The following NUBPL variants were observed in gnomAD, a reference collection of about 807,000 sequenced individuals.
NUBPL encodes the protein iron-sulfur cluster transfer protein NUBPL.
In NUBPL, 31 loss-of-function variants were observed where a neutral mutation model predicts 45.7. The ratio of observed to expected loss-of-function variants is 0.68; its 90% CI spans 0.51 to 0.92. NUBPL has a LOEUF of 0.92. NUBPL is among the 40% of genes least tolerant of loss of function. The pLI is 0.00. For missense variants in NUBPL, 401 were observed against 398.7 expected (o/e 1.01, Z -0.05); for synonymous variants, 144 against 140.9 (o/e 1.02, Z -0.15).
intron 4 of NUBPL, among the ~76,000 whole-genome samples, chr14:31,641,315 C>T (rs531790645): frequency 1.3e-5 from 2 of 152,258 alleles, no homozygotes; most frequent in African/African-American, 4.8e-5. Flanking sequence ...CTTCATCACT[C>T]CCTTACCCCC....
At chr14:31,593,379 T>TG (rs376192829) in intron 3 of NUBPL, among the ~76,000 whole-genome samples, 1 of 151,650 alleles carries the variant, frequency 6.6e-6, no homozygotes, top group African/African-American at 2.4e-5. Context: ...CCGGGTGTGC[T>TG]GGGGGGCGTC....
At chr14:31,822,718 C>CAA (rs569369611) in intron 7 of NUBPL, among the ~76,000 whole-genome samples, 1 of 151,602 alleles carries the variant, frequency 6.6e-6, no homozygotes, top group African/African-American at 2.4e-5. Context: ...AATTTTACAC[C>CAA]AAAAAAAACT....
chr14:31,640,534 G>A (rs2139696879), intron 4 of NUBPL, among the ~76,000 whole-genome samples: 1 of 150,190 alleles, frequency 6.7e-6, no homozygotes, highest in Middle Eastern at 3.4e-3. Flanking sequence ...AGAATAACTT[G>A]AACCTGGGAG....
intron 3 of NUBPL, among the ~76,000 whole-genome samples, chr14:31,577,253 CCTAG>C (rs1371783311): frequency 8.5e-5 from 13 of 152,292 alleles, no homozygotes; most frequent in African/African-American, 3.1e-4. Context: ...CTGTCGTGAA[CCTAG>C]CTAAGAATTT....
chr14:31,603,334 G>GAAAAA (rs1310734010), intron 4 of NUBPL, among the ~76,000 whole-genome samples: 4 of 143,202 alleles, frequency 2.8e-5, no homozygotes, highest in Non-Finnish European at 6.2e-5. Context: ...GAAAAGAAAA[G>GAAAAA]AAAAAAAGGA....
intron 8 of NUBPL, 146 bp from the exon 9 acceptor site, chr14:31,846,325 C>G: frequency 1.4e-6 from 1 of 696,668 alleles, no homozygotes; most frequent in Non-Finnish European, 2.6e-6. Flanking sequence ...TGAGTTCCTT[C>G]AGAGCAGAGG....
At chr14:31,733,604 C>T (rs891952422) in intron 6 of NUBPL, among the ~76,000 whole-genome samples, 1 of 151,928 alleles carries the variant, frequency 6.6e-6, no homozygotes, top group African/African-American at 2.4e-5. Flanking sequence ...GTTTCTAATA[C>T]AAAGAAACAT....
intron 7 of NUBPL, among the ~76,000 whole-genome samples, chr14:31,820,547 T>C (rs1407913879): frequency 6.6e-6 from 1 of 152,118 alleles, no homozygotes; most frequent in East Asian, 1.9e-4. Flanking sequence ...TCTGGGGCCG[T>C]GTGCGGTGGT....
chr14:31,809,574 G>T (rs2039759752), intron 7 of NUBPL, among the ~76,000 whole-genome samples: 1 of 152,042 alleles, frequency 6.6e-6, no homozygotes, highest in South Asian at 2.1e-4. Context: ...CCAGCTCCTG[G>T]ATTCATTGAT....
At chr14:31,737,639 C>T (rs1351728743) in intron 6 of NUBPL, among the ~76,000 whole-genome samples, 1 of 152,100 alleles carries the variant, frequency 6.6e-6, no homozygotes, top group East Asian at 1.9e-4. Flanking sequence ...AAAAAATTAG[C>T]CGGGCATGGT....
At chr14:31,651,010 G>A (rs376520464) in intron 4 of NUBPL, among the ~76,000 whole-genome samples, 2 of 152,298 alleles carry the variant, frequency 1.3e-5, no homozygotes, top group East Asian at 3.9e-4. Flanking sequence ...ATTCATGAGG[G>A]ATCTGTCGCA....
intron 6 of NUBPL, among the ~76,000 whole-genome samples, chr14:31,706,227 A>G (rs899743746): frequency 3.7e-4 from 56 of 152,120 alleles, no homozygotes; most frequent in African/African-American, 1.2e-3. Context: ...TTCCTGCTGG[A>G]TAGGGGCAAA....
chr14:31,703,637 T>C (rs2037384587), intron 6 of NUBPL, among the ~76,000 whole-genome samples: 1 of 152,200 alleles, frequency 6.6e-6, no homozygotes, highest in South Asian at 2.1e-4. Flanking sequence ...TTGTGAGACT[T>C]ATTCACTGTC....
chr14:31,700,945 C>T (rs968717667), intron 6 of NUBPL, among the ~76,000 whole-genome samples: 17 of 152,210 alleles, frequency 1.1e-4, no homozygotes, highest in Admixed American at 2.0e-4. Flanking sequence ...GTGCGCGGCG[C>T]GGGACTGGCG....
intron 7 of NUBPL, among the ~76,000 whole-genome samples, chr14:31,804,333 C>T (rs552507894): frequency 3.3e-5 from 5 of 151,024 alleles, no homozygotes; most frequent in African/African-American, 1.2e-4. Flanking sequence ...TACAGTATAT[C>T]AGTTAACAGT....
chr14:31,806,745 A>G (rs544250825), intron 7 of NUBPL, among the ~76,000 whole-genome samples: 2 of 152,074 alleles, frequency 1.3e-5, no homozygotes, highest in African/African-American at 4.8e-5. Flanking sequence ...TACATTAGGT[A>G]TTTCTACTAC....
chr14:31,675,248 T>C (rs1236854526), intron 6 of NUBPL, among the ~76,000 whole-genome samples: 4 of 152,322 alleles, frequency 2.6e-5, no homozygotes, highest in Non-Finnish European at 5.9e-5. Flanking sequence ...GATTCATATT[T>C]TATTGGGATG....
chr14:31,571,482 C>G (rs1297169127), intron 3 of NUBPL, among the ~76,000 whole-genome samples: 1 of 149,956 alleles, frequency 6.7e-6, no homozygotes, highest in South Asian at 2.1e-4. Flanking sequence ...TTTTTTCTCA[C>G]TCTGTTGCCC....
chr14:31,792,029 C>T (rs1057064063), intron 7 of NUBPL, among the ~76,000 whole-genome samples: 2 of 152,116 alleles, frequency 1.3e-5, no homozygotes, highest in African/African-American at 4.8e-5. Context: ...GGTTTAGTGG[C>T]TTTCATAAGA....
Sources: gnomAD v4.1 joint callset for allele counts (sites outside exome capture counted in the v4.1 genomes callset) on GRCh38, gnomAD v4.1.1 for gene constraint, MANE v1.5 for transcripts, NCBI Gene and HGNC (gene_info 2026-07-23, HGNC 2026-07-21) for gene names.